TFEB: variants seen among roughly 807,000 people sequenced by gnomAD.
The protein encoded by TFEB is transcription factor EB.
A neutral mutation model predicts 48.0 loss-of-function variants in TFEB; 12 were observed. The observed-to-expected ratio is 0.25, with a 90% CI of 0.16 to 0.40. The LOEUF (loss-of-function observed/expected upper bound fraction) is 0.40, where lower values mean the gene tolerates loss of function less well. TFEB is among the 10% of genes least tolerant of loss of function. TFEB has a pLI of 1.00. For synonymous variants in TFEB, 244 were observed against 261.4 expected (o/e 0.93, Z 0.64); for missense variants, 509 against 640.3 (o/e 0.79, Z 2.21).
At position 41,733,574 on chromosome 6, in the gene TFEB, C is replaced by A. The variant is rs114459250; in HGVS notation, c.-23+1776G>T. On this transcript the variant is annotated intron_variant, in intron 1 of 8. Transcript: ENST00000373033. The stretch of plus-strand genomic sequence containing the variant: ...ACCCTCTGGCTCCCAGCTCTCCGGG[C>A]CCCGCGGCCAGGAGGCAGACGGAGA... 3.1e-3 allele frequency: 3,013 copies of A among 978,250 alleles called. 56 individuals are homozygous for A. The African/African-American group carries it at 0.048, about 15-fold the overall frequency. The allele number at this position is 978,250 out of a possible 1,614,324, so 60.6% of individuals were successfully genotyped here. A position where few individuals can be genotyped will look rare whatever the true frequency, so the allele number is the denominator to read the frequency against.
At chr6:41,710,567 G>A (rs1392725999) in intron 1 of TFEB, among the ~76,000 whole-genome samples, 2 of 152,154 alleles carry the variant, frequency 1.3e-5, no homozygotes, top group Admixed American at 6.5e-5. Flanking sequence ...GAACAAGGGA[G>A]CAAAAACAAA....
chr6:41,709,774 T>C (rs1237721147), intron 1 of TFEB, among the ~76,000 whole-genome samples: 1 of 152,274 alleles, frequency 6.6e-6, no homozygotes, highest in East Asian at 1.9e-4. Flanking sequence ...AATATCCCTT[T>C]CCATTAAATT....
chr6:41,696,098 A>T (rs1769566347), intron 1 of TFEB, among the ~76,000 whole-genome samples: 1 of 152,262 alleles, frequency 6.6e-6, no homozygotes, highest in Non-Finnish European at 1.5e-5. Context: ...ACAGCCCCAG[A>T]CAAGGGCTTC....
At chr6:41,712,992 C>A (rs941966091) in intron 1 of TFEB, among the ~76,000 whole-genome samples, 3 of 152,196 alleles carry the variant, frequency 2.0e-5, no homozygotes, top group East Asian at 1.9e-4. Context: ...TGCTCGCTTG[C>A]GAGGCATTTT....
upstream of TFEB, chr6:41,736,020 G>T: frequency 8.0e-7 from 1 of 1,256,336 alleles, no homozygotes; most frequent in Non-Finnish European, 1.2e-6. Flanking sequence ...CCTGGATCTT[G>T]CACTTTTATC....
chr6:41,684,915 AG>A lies in TFEB; in HGVS notation c.1114del (p.Leu372CysfsTer29). 1 of 1,577,768 alleles carries A rather than the reference AG, an allele frequency of 6.3e-7. No homozygotes were observed. The highest frequency in any genetic ancestry group is 8.6e-7 in the Non-Finnish European group (1 of 1,161,192). On this transcript the variant is annotated frameshift_variant, in exon 9 of 9. Transcript: ENST00000373033. LOFTEE classifies it high-confidence loss of function. ...CGGGGCTTGCGGGGGCAGAGCTGGC[AG>A]TGGCTCAGGGTCAGGGACCTCAGCC... ...LGAEVPDPEP[L>X]PALPPQAPLP...
At chr6:41,700,901 A>G (rs1045999243) in intron 1 of TFEB, among the ~76,000 whole-genome samples, 5 of 152,190 alleles carry the variant, frequency 3.3e-5, no homozygotes, top group Admixed American at 6.5e-5. Flanking sequence ...TTCAAAGGCC[A>G]TTGCAGACCA....
chr6:41,716,976 G>A (rs754364865), intron 1 of TFEB, among the ~76,000 whole-genome samples: 14 of 152,152 alleles, frequency 9.2e-5, no homozygotes, highest in Non-Finnish European at 2.1e-4. Flanking sequence ...CAGGTGACCG[G>A]CCACCCTCCA....
At chr6:41,700,374 G>A (rs527697578) in intron 1 of TFEB, among the ~76,000 whole-genome samples, 1 of 151,612 alleles carries the variant, frequency 6.6e-6, no homozygotes, top group African/African-American at 2.4e-5. Flanking sequence ...GCTGAGGCAG[G>A]AGAATGGCGT....
chr6:41,700,346 G>A (rs1264185038), intron 1 of TFEB, among the ~76,000 whole-genome samples: 2 of 151,832 alleles, frequency 1.3e-5, no homozygotes, highest in African/African-American at 2.4e-5. Context: ...GGCGCCTGTA[G>A]TCCCAGCTAC....
In TFEB at chr6:41,687,737, GC is replaced by G; in HGVS notation, c.727+15del. Reference sequence around the variant, plus strand: ...AAGGAAGAGGGAGGCAGGGAGAGGGGCGGGGCAGGACTCACTTAAGTTGTGA... The same window carrying G: ...AAGGAAGAGGGAGGCAGGGAGAGGGGGGGGCAGGACTCACTTAAGTTGTGA... On this transcript the variant is annotated intron_variant, in intron 6 of 8. Transcript: ENST00000373033. The G allele has an allele frequency of 6.2e-7, 1 of 1,614,024 alleles. No individual in the cohort carries two copies. Among genetic ancestry groups the G allele is most frequent in the Non-Finnish European group, 8.5e-7 (1 of 1,179,948 alleles).
In TFEB at chr6:41,702,419, A is replaced by T. The variant is rs879578006; in HGVS notation, c.-22-11184T>A. On this transcript the variant is annotated intron_variant, in intron 1 of 8. Transcript: ENST00000373033. ...AGAGATCTGGCACCAGACCATAGTG[A>T]GGTGAGGGTGGTAAGGGTTGGGGGA... is the stretch of plus-strand genomic sequence containing the variant. Among the ~76,000 whole-genome samples, 363 of 152,262 alleles carry T rather than the reference A, an allele frequency of 2.4e-3. 2 individuals are homozygous for T. The highest frequency in any genetic ancestry group is 3.9e-3 in the Non-Finnish European group (265 of 68,002).
intron 1 of TFEB, among the ~76,000 whole-genome samples, chr6:41,732,295 G>C (rs1771485891): frequency 6.6e-6 from 1 of 152,148 alleles, no homozygotes; most frequent in Admixed American, 6.5e-5. Context: ...GAGTCAATTG[G>C]ACCTAGGTTA....
intron 1 of TFEB, among the ~76,000 whole-genome samples, chr6:41,706,097 T>C (rs1173268748): frequency 1.3e-5 from 2 of 152,006 alleles, no homozygotes; most frequent in African/African-American, 4.8e-5. Context: ...AGAGCGCAGG[T>C]CCCCAGAATC....
At chr6:41,725,878 C>T (rs189832570) in intron 1 of TFEB, among the ~76,000 whole-genome samples, 4 of 152,316 alleles carry the variant, frequency 2.6e-5, no homozygotes, top group East Asian at 1.9e-4. Flanking sequence ...TAAGGAGCAA[C>T]AGGAACTCTG....
In TFEB at chr6:41,685,002, T is replaced by C; in HGVS notation, c.1028A>G (p.Gln343Arg). 6.4e-7 allele frequency: 1 copy of C among 1,550,970 alleles called. No homozygotes were observed. Among genetic ancestry groups the C allele is most frequent in the Non-Finnish European group, 8.7e-7 (1 of 1,149,274 alleles). ...AGGCAGCTCCTGCTTCACCACCTGC[T>C]GGGCCAGCTCAGCCATGTTCATGCC... ...PSGMNMAELA[Q>R]QVVKQELPSE... Residue 343 changes from glutamine (Q) to arginine (R), a missense_variant, in exon 9 of 9, where the codon CAG (glutamine) becomes CGG (arginine). Physicochemically the swap from Gln to Arg is conservative, Grantham distance 43. This residue lies in a region of TFEB where 62 missense variants were observed against 90.2 expected (regional missense o/e 0.69). Coordinates refer to ENST00000373033, the MANE Select transcript of TFEB (RefSeq NM_001271944.2).
Position 41,700,383 on chromosome 6 carries a change from G to A in TFEB, c.-22-9148C>T, listed in dbSNP as rs573986143. On this transcript the variant is annotated intron_variant, in intron 1 of 8. Coordinates refer to ENST00000373033, the MANE Select transcript of TFEB (RefSeq NM_001271944.2). ...CAAGAGGCTGAGGCAGGAGAATGGC[G>A]TGAACCCGGGAGGCGGAGCTTGCAG... Among the ~76,000 whole-genome samples the A allele has an allele frequency of 5.3e-5, 8 of 151,498 alleles. 1 individual carries two copies. In the South Asian group the frequency reaches 1.5e-3, roughly 28 times the overall value.
intron 1 of TFEB, among the ~76,000 whole-genome samples, chr6:41,697,739 A>C (rs907210709): frequency 5.9e-5 from 9 of 152,200 alleles, no homozygotes; most frequent in Non-Finnish European, 1.2e-4. Context: ...AACTAACCTC[A>C]ATGTCCAGTT....
intron 3 of TFEB, 81 bp downstream of exon 3, chr6:41,690,582 C>A: frequency 7.0e-7 from 1 of 1,418,894 alleles, no homozygotes; most frequent in South Asian, 1.7e-5. Flanking sequence ...CTGCCTCTGC[C>A]ATTAGACTGG....
Sources: gnomAD v4.1 joint callset for allele counts (sites outside exome capture counted in the v4.1 genomes callset) on GRCh38, gnomAD v4.1.1 for gene constraint, gnomAD v4.1.1 regional missense constraint, MANE v1.5 for transcripts, NCBI Gene and HGNC (gene_info 2026-07-23, HGNC 2026-07-21) for gene names.